VWA8: variants seen among roughly 807,000 people sequenced by gnomAD.
VWA8 encodes the protein von Willebrand factor A domain containing 8.
In VWA8, 221 loss-of-function variants were observed where a neutral mutation model predicts 241.5. The ratio of observed to expected loss-of-function variants is 0.91; its 90% confidence interval spans 0.82 to 1.02. VWA8 has a LOEUF of 1.02. VWA8 is among the 50% of genes least tolerant of loss of function. VWA8 has a pLI of 0.00. For missense variants in VWA8, 2,322 were observed against 2,328.7 expected (o/e 1.00, Z 0.06); for synonymous variants, 852 against 827.1 (o/e 1.03, Z -0.52).
At chr13:41,585,749 A>G (rs553996491) in intron 42 of VWA8, among the ~76,000 whole-genome samples, 11 of 152,092 alleles carry the variant, frequency 7.2e-5, no homozygotes, top group African/African-American at 2.7e-4. Flanking sequence ...CTGTAATCCC[A>G]GCTACTCAGG....
chr13:41,882,824 A>AGGGAGAGGGAGAGGGAGACCGTG (rs1555347370), intron 9 of VWA8, among the ~76,000 whole-genome samples: 18 of 151,292 alleles, frequency 1.2e-4, no homozygotes, highest in African/African-American at 1.7e-4. Context: ...CCGTGGGGAG[A>AGGGAGAGGGAGAGGGAGACCGTG]GGGAGAGGGA....
At chr13:41,698,971 T>C in intron 29 of VWA8, 100 bp downstream of exon 29, 1 of 1,528,428 alleles carries the variant, frequency 6.5e-7, no homozygotes, top group Non-Finnish European at 9.0e-7. Flanking sequence ...CTCCTCTCCT[T>C]GATCATCATG....
intron 43 of VWA8, among the ~76,000 whole-genome samples, chr13:41,571,297 T>TCTCCCTCTCCCTC (rs1202432630): frequency 0.084 from 11,779 of 139,602 alleles, 1,126 homozygotes; most frequent in Admixed American, 0.17. Context: ...CCCTCTCCCG[T>TCTCCCTCTCCCTC]CTCCCTCTCC....
chr13:41,811,839 A>G (rs1870486687), intron 16 of VWA8, among the ~76,000 whole-genome samples: 1 of 152,202 alleles, frequency 6.6e-6, no homozygotes, highest in Admixed American at 6.5e-5. Flanking sequence ...GCTGTTTTGA[A>G]TCCTTCCCCT....
At chr13:41,830,185 A>G (rs1026530827) in intron 14 of VWA8, among the ~76,000 whole-genome samples, 5 of 150,906 alleles carry the variant, frequency 3.3e-5, no homozygotes, top group Non-Finnish European at 4.4e-5. Context: ...GGAGCTTGCA[A>G]TGAGCCGAGA....
At chr13:41,749,758 A>G (rs2045640245) in intron 21 of VWA8, among the ~76,000 whole-genome samples, 2 of 152,058 alleles carry the variant, frequency 1.3e-5, no homozygotes, top group South Asian at 2.1e-4. Flanking sequence ...CGCAAGGACA[A>G]AAAACCAAAC....
intron 17 of VWA8, among the ~76,000 whole-genome samples, chr13:41,789,637 T>A (rs1322036330): frequency 6.6e-6 from 1 of 152,064 alleles, no homozygotes; most frequent in Non-Finnish European, 1.5e-5. Context: ...ATCTTTAGAT[T>A]AAGGAATAAG....
chr13:41,947,954 C>CAAAA (rs1169518183), intron 2 of VWA8, among the ~76,000 whole-genome samples: 1 of 63,506 alleles, frequency 1.6e-5, no homozygotes, highest in Non-Finnish European at 3.3e-5. Flanking sequence ...AAAAAAAAAA[C>CAAAA]AAAACAAAAC....
In VWA8 at chr13:41,587,737, G is replaced by A. The variant is rs565783965; in HGVS notation, c.5113-67C>T. The A allele has an allele frequency of 3.1e-5, 49 of 1,587,970 alleles. 1 individual carries two copies. In the South Asian group the frequency reaches 5.4e-4, roughly 17 times the overall value. ...AACTTCCCCTGGTGGCTGTCTTGGGGATCTCACAGAAGCTCCAGCGTGCCA... is the reference window on the plus strand; with the variant it reads ...AACTTCCCCTGGTGGCTGTCTTGGGAATCTCACAGAAGCTCCAGCGTGCCA... On this transcript the variant is annotated intron_variant, in intron 41 of 44. Transcript: ENST00000379310.
intron 12 of VWA8, among the ~76,000 whole-genome samples, chr13:41,835,843 C>T (rs983965582): frequency 6.6e-6 from 1 of 152,094 alleles, no homozygotes; most frequent in Admixed American, 6.6e-5. Context: ...TGGTATGAAT[C>T]ATTCCAGAAA....
At chr13:41,620,580 C>T (rs2044650512) in intron 37 of VWA8, among the ~76,000 whole-genome samples, 1 of 152,092 alleles carries the variant, frequency 6.6e-6, no homozygotes, top group Non-Finnish European at 1.5e-5. Context: ...GATTTTAGAT[C>T]TTTCCTGCTT....
chr13:41,799,391 C>T (rs1869846628), intron 17 of VWA8, among the ~76,000 whole-genome samples: 1 of 152,180 alleles, frequency 6.6e-6, no homozygotes, highest in Non-Finnish European at 1.5e-5. Flanking sequence ...ACGGCATCAA[C>T]ATGGACCCTC....
At chr13:41,824,740 C>A (rs1378290527) in intron 14 of VWA8, among the ~76,000 whole-genome samples, 1 of 151,612 alleles carries the variant, frequency 6.6e-6, no homozygotes, top group African/African-American at 2.4e-5. Flanking sequence ...AAAGCTTGAG[C>A]CCAGGAGTTT....
At chr13:41,842,215 T>C (rs1872089365) in intron 12 of VWA8, among the ~76,000 whole-genome samples, 1 of 152,196 alleles carries the variant, frequency 6.6e-6, no homozygotes, top group African/African-American at 2.4e-5. Flanking sequence ...CCATTATTTC[T>C]GGAATCTAAG....
At chr13:41,658,900 A>G (rs1281011544) in intron 37 of VWA8, among the ~76,000 whole-genome samples, 1 of 152,344 alleles carries the variant, frequency 6.6e-6, no homozygotes, top group Admixed American at 6.5e-5. Context: ...TTATACCTGT[A>G]TCTTCCTACC....
rs1555303579 is a variant in VWA8, at chr13:41,573,484, A to AAAAATAAAT, written c.5370+2255_5370+2256insATTTATTTT. 7.1e-3 allele frequency among the ~76,000 whole-genome samples: 833 copies of AAAAATAAAT among 116,948 alleles called. 25 individuals carry two copies. The highest frequency in any genetic ancestry group is 0.029 in the African/African-American group (779 of 26,710). 76.7% of individuals were successfully genotyped at this position (116,948 alleles called of 152,430 possible). ...AGGGTGGCTATAGTTTAAAAAAAAA[A>AAAAATAAAT]AAATATATATATATATATATATACC... On this transcript the variant is annotated intron_variant, in intron 43 of 44. Coordinates refer to ENST00000379310, the MANE Select transcript of VWA8 (RefSeq NM_015058.2).
At chr13:41,882,396 C>T (rs554086224) in intron 9 of VWA8, among the ~76,000 whole-genome samples, 9 of 151,978 alleles carry the variant, frequency 5.9e-5, no homozygotes, top group African/African-American at 1.7e-4. Context: ...ACTTCCCAGA[C>T]GGGGTGGCGG....
intron 35 of VWA8, among the ~76,000 whole-genome samples, 172 bp from the exon 36 acceptor site, chr13:41,675,468 AAGCAT>A (rs2045054416): frequency 6.6e-6 from 1 of 152,162 alleles, no homozygotes; most frequent in Non-Finnish European, 1.5e-5. Context: ...TCCCTCAGGG[AAGCAT>A]ATTGGGCTGT....
chr13:41,904,709 A>G (rs114701691), intron 4 of VWA8, among the ~76,000 whole-genome samples: 2,773 of 152,250 alleles, frequency 0.018, 88 homozygotes, highest in African/African-American at 0.061. Context: ...AAATCTTCAC[A>G]TAAGTTTTAA....
Sources: gnomAD v4.1 joint callset for allele counts (sites outside exome capture counted in the v4.1 genomes callset) on GRCh38, gnomAD v4.1.1 for gene constraint, MANE v1.5 for transcripts, NCBI Gene and HGNC (gene_info 2026-07-23, HGNC 2026-07-21) for gene names.